The following GTF3A variants were observed in gnomAD, a reference collection of about 807,000 sequenced individuals.
GTF3A encodes the protein general transcription factor IIIA.
A neutral mutation model predicts 37.6 loss-of-function variants in GTF3A; 40 were observed. The ratio of observed to expected loss-of-function variants is 1.06; its 90% CI spans 0.83 to 1.38. The LOEUF is 1.38. Among genes scored for constraint, GTF3A ranks in the 40% most tolerant of loss-of-function variants. The probability of loss-of-function intolerance (pLI) is 0.00; values close to 1 mark genes in which losing one functional copy is unlikely to be tolerated. For synonymous variants in GTF3A, 191 were observed against 166.7 expected (o/e 1.15, Z -1.12); for missense variants, 500 against 462.6 (o/e 1.08, Z -0.74).
At chr13:27,431,059 C>A (rs1198163616) in intron 4 of GTF3A, among the ~76,000 whole-genome samples, 1 of 152,136 alleles carries the variant, frequency 6.6e-6, no homozygotes, top group Non-Finnish European at 1.5e-5. Flanking sequence ...AGGTCATAAA[C>A]TTAATTTGAG....
rs147552267 is a variant in GTF3A, at chr13:27,435,748, T to G, written c.*151T>G. The G allele has an allele frequency of 4.4e-4, 709 of 1,614,016 alleles. No individual in the cohort carries two copies. Among genetic ancestry groups the G allele is most frequent in the Non-Finnish European group, 5.7e-4 (668 of 1,179,992 alleles). On this transcript the variant is annotated 3_prime_UTR_variant, in exon 9 of 9. Coordinates refer to ENST00000381140, the MANE Select transcript of GTF3A (RefSeq NM_002097.3). ...CAAAGTGTCTCTTTCCTGGGTCTCTTGAGTTTCTTTATATGCCTTCTCCTC... is the reference window on the plus strand; with the variant it reads ...CAAAGTGTCTCTTTCCTGGGTCTCTGGAGTTTCTTTATATGCCTTCTCCTC...
At chr13:27,434,430 G>A (rs1349050505) in intron 6 of GTF3A, among the ~76,000 whole-genome samples, 1 of 152,212 alleles carries the variant, frequency 6.6e-6, no homozygotes, top group Non-Finnish European at 1.5e-5. Context: ...GCATGCTGAA[G>A]GCGGTGGCAG....
intron 5 of GTF3A, 104 bp downstream of exon 5, chr13:27,432,908 G>C: frequency 2.2e-6 from 2 of 899,670 alleles, no homozygotes; most frequent in Non-Finnish European, 3.6e-6. Context: ...CCTGTGAACA[G>C]GGGACACCAT....
At chr13:27,433,820 C>T (rs1169309553) in intron 5 of GTF3A, among the ~76,000 whole-genome samples, 1 of 152,138 alleles carries the variant, frequency 6.6e-6, no homozygotes, top group Non-Finnish European at 1.5e-5. Flanking sequence ...TTCCTGAGAA[C>T]TCTTAGAGAG....
chr13:27,427,169 TCA>T lies in GTF3A; in HGVS notation c.284_285del (p.Thr95ArgfsTer13), dbSNP rs759327782. 13 of 1,599,046 alleles carry T rather than the reference TCA, an allele frequency of 8.1e-6. No individual in the cohort carries two copies. Among genetic ancestry groups the T allele is most frequent in the Non-Finnish European group, 1.7e-6 (2 of 1,167,544 alleles). On this transcript the variant is annotated frameshift_variant, in exon 2 of 9. Coordinates refer to ENST00000381140, the MANE Select transcript of GTF3A (RefSeq NM_002097.3). LOFTEE classifies it high-confidence loss of function. ...ACCATCTGAGCCGCCACATTCTGAC[TCA>T]CACAGGAGAAAAGCCGTTTGTGTAA...
At chr13:27,434,341 T>G in intron 6 of GTF3A, 122 bp downstream of exon 6, 1 of 703,682 alleles carries the variant, frequency 1.4e-6, no homozygotes, top group Non-Finnish European at 2.6e-6. Flanking sequence ...TGATATTTTG[T>G]GAAGTGCTGG....
At chr13:27,435,307 T>C in intron 8 of GTF3A, 115 bp downstream of exon 8, 2 of 1,268,542 alleles carry the variant, frequency 1.6e-6, no homozygotes, top group African/African-American at 3.0e-5. Context: ...GCACTACTGT[T>C]GAAGACTTTA....
chr13:27,431,151 C>CA (rs1953653635), intron 4 of GTF3A, among the ~76,000 whole-genome samples: 1 of 152,096 alleles, frequency 6.6e-6, no homozygotes, highest in African/African-American at 2.4e-5. Flanking sequence ...CCCCAGTTTA[C>CA]GTTTTTATAT....
intron 4 of GTF3A, among the ~76,000 whole-genome samples, chr13:27,432,174 T>C (rs183637763): frequency 7.5e-4 from 114 of 152,236 alleles, no homozygotes; most frequent in Non-Finnish European, 1.4e-3. Context: ...CATCCGGCAC[T>C]TTCCCTTGAC....
intron 6 of GTF3A, 78 bp downstream of exon 6, chr13:27,434,297 A>G (rs1953687780): frequency 1.3e-6 from 1 of 768,104 alleles, no homozygotes; most frequent in Non-Finnish European, 2.4e-6. Context: ...CAAGAGTGAA[A>G]TGCTGTGTGC....
At chr13:27,432,470 A>G (rs1403232575) in intron 4 of GTF3A, among the ~76,000 whole-genome samples, 1 of 152,224 alleles carries the variant, frequency 6.6e-6, no homozygotes, top group Non-Finnish European at 1.5e-5. Context: ...AAAGCAGAGT[A>G]TATTTCCAGA....
intron 5 of GTF3A, among the ~76,000 whole-genome samples, chr13:27,433,650 CACT>C (rs926301801): frequency 5.3e-5 from 8 of 151,094 alleles, no homozygotes; most frequent in African/African-American, 1.9e-4. Context: ...GGCATGGTAA[CACT>C]ACTGAAAAGT....
Position 27,424,693 on chromosome 13 carries a change from G to T in GTF3A, c.-45G>T. On this transcript the variant is annotated 5_prime_UTR_variant, in exon 1 of 9. Transcript: ENST00000381140. Reference sequence around the variant, plus strand: ...GCGCCGGTTCCCGGCACGTGTCTCGGCACGTGGCAGCGCGCCTGGCCCTGG... The same window carrying T: ...GCGCCGGTTCCCGGCACGTGTCTCGTCACGTGGCAGCGCGCCTGGCCCTGG... 7.5e-7 allele frequency: 1 copy of T among 1,326,036 alleles called. No homozygotes were observed. The highest frequency in any genetic ancestry group is 1.7e-5 in the South Asian group (1 of 57,758). 82.1% of individuals were successfully genotyped at this position (1,326,036 alleles called of 1,614,324 possible). A position where few individuals can be genotyped will look rare whatever the true frequency, so the allele number is the denominator to read the frequency against.
At chr13:27,425,108 G>A in intron 1 of GTF3A, 170 bp downstream of exon 1, 1 of 535,658 alleles carries the variant, frequency 1.9e-6, no homozygotes, top group Non-Finnish European at 3.4e-6. Flanking sequence ...TAGGACCTTC[G>A]TTCTGCGACC....
At chr13:27,435,058 T>G (rs1008113222) in intron 7 of GTF3A, 24 bp downstream of exon 7, 1 of 1,539,106 alleles carries the variant, frequency 6.5e-7, no homozygotes, top group Non-Finnish European at 9.0e-7. Context: ...CTCATACTCA[T>G]GGTCCTATAG....
Position 27,429,985 on chromosome 13 carries a change from G to A in GTF3A, c.399+19G>A. ...ATATATAGTAAGTATGATTTTATATGCTTAAATTTTTTGAGTATTTTTACA... is the reference window on the plus strand; with the variant it reads ...ATATATAGTAAGTATGATTTTATATACTTAAATTTTTTGAGTATTTTTACA... On this transcript the variant is annotated intron_variant, in intron 3 of 8. Transcript: ENST00000381140. The A allele has an allele frequency of 3.0e-6, 4 of 1,330,268 alleles. No homozygotes were observed. The highest frequency in any genetic ancestry group is 4.1e-6 in the Non-Finnish European group (4 of 972,992). The allele number at this position is 1,330,268 out of a possible 1,614,324, so 82.4% of individuals were successfully genotyped here.
Position 27,434,135 on chromosome 13 carries a change from A to G in GTF3A, c.563-4A>G, listed in dbSNP as rs1363686114. On this transcript the variant is annotated splice_region_variant and splice_polypyrimidine_tract_variant and intron_variant, in intron 5 of 8. Coordinates refer to ENST00000381140, the MANE Select transcript of GTF3A (RefSeq NM_002097.3). ...GACAGACAATGCACCAATTTTTTTA[A>G]TAGGCTATGTATGTCAAAAAGGATG... 7.0e-6 allele frequency: 8 copies of G among 1,135,304 alleles called. No homozygotes were observed. The highest frequency in any genetic ancestry group is 1.7e-5 in the Admixed American group (1 of 59,274). The allele number at this position is 1,135,304 out of a possible 1,614,324, so 70.3% of individuals were successfully genotyped here. A position where few individuals can be genotyped will look rare whatever the true frequency, so the allele number is the denominator to read the frequency against.
At chr13:27,429,640 G>A (rs75506783) in intron 2 of GTF3A, among the ~76,000 whole-genome samples, 4 of 152,312 alleles carry the variant, frequency 2.6e-5, no homozygotes, top group Admixed American at 2.0e-4. Flanking sequence ...GATGACTGAT[G>A]TAGTGTGTAT....
intron 2 of GTF3A, among the ~76,000 whole-genome samples, chr13:27,427,482 T>C (rs1329616991): frequency 6.6e-6 from 1 of 152,088 alleles, no homozygotes; most frequent in African/African-American, 2.4e-5. Flanking sequence ...GAGGCTGAGC[T>C]AACATAAAAT....
Sources: allele counts gnomAD v4.1 joint callset (sites outside exome capture counted in the v4.1 genomes callset), GRCh38; gene constraint gnomAD v4.1.1; transcripts MANE v1.5; gene names NCBI Gene and HGNC (gene_info 2026-07-23, HGNC 2026-07-21).